Variants in PAPPA observed in about 807,000 individuals in gnomAD.
The protein encoded by PAPPA is pappalysin 1.
In PAPPA, 60 loss-of-function variants were observed where a neutral mutation model predicts 164.0. That is an observed-to-expected ratio of 0.37 (90% CI 0.30 to 0.45). The LOEUF is 0.45. Among genes scored for constraint, PAPPA ranks in the 20% least tolerant of loss-of-function variants. PAPPA has a pLI of 1.00. For missense variants in PAPPA, 1,782 were observed against 2,087.3 expected, an observed-to-expected ratio of 0.85 and a Z score of 2.85; for synonymous variants, 875 against 814.1, an observed-to-expected ratio of 1.07 and a Z score of -1.27.
intron 19 of PAPPA, among the ~76,000 whole-genome samples, chr9:116,375,776 G>A (rs1162523017): frequency 6.6e-6 from 1 of 152,008 alleles, no homozygotes; most frequent in African/African-American, 2.4e-5. Flanking sequence ...CTGTTTACAT[G>A]GATTTTCCAC....
chr9:116,336,776 C>T (rs1211643771), intron 13 of PAPPA, among the ~76,000 whole-genome samples: 1 of 152,112 alleles, frequency 6.6e-6, no homozygotes, highest in Non-Finnish European at 1.5e-5. Context: ...TTAGTCATTC[C>T]CCTTCTCTGG....
At chr9:116,337,926 T>G (rs1204670129) in intron 13 of PAPPA, among the ~76,000 whole-genome samples, 2 of 152,104 alleles carry the variant, frequency 1.3e-5, no homozygotes, top group Non-Finnish European at 2.9e-5. Context: ...AGAGGTCCAG[T>G]TGTGCAATTC....
rs28377850 is a variant in PAPPA at position 116,279,518 on chromosome 9, G to A, written c.2953+8102G>A. 1.7e-3 allele frequency among the ~76,000 whole-genome samples: 252 copies of A among 152,162 alleles called. 2 individuals are homozygous for A. Among genetic ancestry groups the A allele is most frequent in the African/African-American group, 5.9e-3 (244 of 41,530 alleles). On this transcript the variant is annotated intron_variant, in intron 9 of 21. Transcript: ENST00000328252. ...AACGGCCTCTGACGCCAGAAGGGAG[G>A]AATTCTAGCCCGCAGCCCAGGTCTG...
At chr9:116,351,625 G>T (rs1273695253) in intron 15 of PAPPA, among the ~76,000 whole-genome samples, 1 of 152,146 alleles carries the variant, frequency 6.6e-6, no homozygotes, top group Non-Finnish European at 1.5e-5. Context: ...GACAGAATTT[G>T]TTTTGAACCT....
At chr9:116,274,286 A>C (rs1205488546) in intron 9 of PAPPA, among the ~76,000 whole-genome samples, 4 of 152,210 alleles carry the variant, frequency 2.6e-5, no homozygotes, top group African/African-American at 9.6e-5. Flanking sequence ...TACGCCCTTC[A>C]CTGGCCACTT....
chr9:116,360,086 G>T (rs1846404483), intron 17 of PAPPA, among the ~76,000 whole-genome samples: 1 of 152,220 alleles, frequency 6.6e-6, no homozygotes, highest in African/African-American at 2.4e-5. Context: ...TACATTCTCT[G>T]TTACAAACCA....
intron 9 of PAPPA, among the ~76,000 whole-genome samples, chr9:116,281,843 A>G (rs982596462): frequency 1.3e-5 from 2 of 152,028 alleles, no homozygotes; most frequent in East Asian, 1.9e-4. Flanking sequence ...CTCACACCCC[A>G]CTTAACCATC....
At chr9:116,391,851 GC>G (rs1249970784) in intron 21 of PAPPA, among the ~76,000 whole-genome samples, 4 of 152,330 alleles carry the variant, frequency 2.6e-5, no homozygotes, top group African/African-American at 9.6e-5. Context: ...TTCTTGGGAG[GC>G]CGCCTGGGGG....
chr9:116,270,608 C>T (rs1441527102), intron 8 of PAPPA, among the ~76,000 whole-genome samples: 2 of 152,132 alleles, frequency 1.3e-5, no homozygotes, highest in African/African-American at 2.4e-5. Context: ...GGTGTTGTTC[C>T]TCCTTCTCAT....
In PAPPA at chr9:116,187,103, C is replaced by T; in HGVS notation, c.416-51C>T. On this transcript the variant is annotated intron_variant, in intron 1 of 21. Coordinates refer to ENST00000328252, the MANE Select transcript of PAPPA (RefSeq NM_002581.5). The surrounding 1 kb of genome is among the most constrained non-coding windows in gnomAD (Gnocchi z 4.2). ...ATTAGAGAAAAATAACTTAACCCCC[C>T]CTCCTTTTCCATCCTTTATTTATTC... 1 of 1,322,308 alleles carries T rather than the reference C, an allele frequency of 7.6e-7. No individual in the cohort carries two copies. Among genetic ancestry groups the T allele is most frequent in the Non-Finnish European group, 1.1e-6 (1 of 928,974 alleles). 81.9% of individuals were successfully genotyped at this position (1,322,308 alleles called of 1,614,324 possible).
chr9:116,212,888 C>G (rs1844325998), intron 4 of PAPPA, among the ~76,000 whole-genome samples: 1 of 152,212 alleles, frequency 6.6e-6, no homozygotes, highest in African/African-American at 2.4e-5. Flanking sequence ...TATGCTCTCT[C>G]TCATTTAATT....
chr9:116,159,049 G>A (rs982681160), intron 1 of PAPPA, among the ~76,000 whole-genome samples: 1 of 152,294 alleles, frequency 6.6e-6, no homozygotes, highest in Non-Finnish European at 1.5e-5. Flanking sequence ...GATCGAAGAG[G>A]GTGAGAAATG....
intron 7 of PAPPA, among the ~76,000 whole-genome samples, chr9:116,248,174 G>A (rs1844819054): frequency 1.3e-5 from 2 of 152,316 alleles, no homozygotes; most frequent in South Asian, 4.1e-4. Flanking sequence ...GAGTTGCTAT[G>A]CTTCAGTGTT....
chr9:116,186,260 A>ATC, intron 1 of PAPPA, among the ~76,000 whole-genome samples: 1 of 143,602 alleles, frequency 7.0e-6, no homozygotes, highest in East Asian at 2.0e-4. Context: ...ATATCTATAT[A>ATC]GATATATAGA....
chr9:116,395,629 A>C (rs1244486079), intron 21 of PAPPA, among the ~76,000 whole-genome samples: 2 of 152,182 alleles, frequency 1.3e-5, no homozygotes, highest in African/African-American at 4.8e-5. Flanking sequence ...GGCTCTTCCT[A>C]TCAGTTTGCA....
At chr9:116,227,975 A>G (rs1042852653) in intron 6 of PAPPA, among the ~76,000 whole-genome samples, 6 of 152,208 alleles carry the variant, frequency 3.9e-5, no homozygotes, top group Non-Finnish European at 7.3e-5. Context: ...TAGACTATAC[A>G]GAGCACTTTC....
intron 9 of PAPPA, among the ~76,000 whole-genome samples, chr9:116,279,310 C>T (rs771287216): frequency 8.5e-5 from 13 of 152,140 alleles, no homozygotes; most frequent in South Asian, 2.1e-4. Flanking sequence ...GGCTGACGTG[C>T]GGGCAGCACC....
intron 17 of PAPPA, among the ~76,000 whole-genome samples, chr9:116,356,663 T>C (rs1846358317): frequency 6.6e-6 from 1 of 152,240 alleles, no homozygotes; most frequent in African/African-American, 2.4e-5. Flanking sequence ...ATCAGATGGT[T>C]GTACATGTGT....
chr9:116,315,951 A>G (rs939095627), intron 10 of PAPPA, among the ~76,000 whole-genome samples: 1 of 152,134 alleles, frequency 6.6e-6, no homozygotes, highest in Admixed American at 6.6e-5. Context: ...TTTTTTGTAC[A>G]TTTAAACCTG....
Sources: gnomAD v4.1 joint callset for allele counts (sites outside exome capture counted in the v4.1 genomes callset) on GRCh38, gnomAD v4.1.1 for gene constraint, Gnocchi (gnomAD v3.1) non-coding constraint, MANE v1.5 for transcripts, NCBI Gene and HGNC (gene_info 2026-07-23, HGNC 2026-07-21) for gene names.